Variants in FAM193B observed in about 807,000 individuals in gnomAD.
FAM193B encodes the protein family with sequence similarity 193 member B.
A neutral mutation model predicts 70.7 loss-of-function variants in FAM193B; 27 were observed. The ratio of observed to expected loss-of-function variants is 0.38; its 90% CI spans 0.28 to 0.53. The LOEUF is 0.53. Among genes scored for constraint, FAM193B ranks in the 20% least tolerant of loss-of-function variants. The probability of loss-of-function intolerance (pLI) is 0.81; values close to 1 mark genes in which losing one functional copy is unlikely to be tolerated. For synonymous variants in FAM193B, 448 were observed against 436.0 expected (o/e 1.03, Z -0.34); for missense variants, 1,022 against 1,072.5 (o/e 0.95, Z 0.66).
rs372743350 is a variant in FAM193B, at chr5:177,525,231, C to T, written c.1276-26G>A. ...CTGCCAAGGCAAGAGGCAGTTTTAG[C>T]AGGAGGCTGTCAACTGCCAGGCACA... is the stretch of plus-strand genomic sequence containing the variant. On this transcript the variant is annotated intron_variant, in intron 5 of 8. Transcript: ENST00000514747. The T allele has an allele frequency of 7.7e-6, 11 of 1,435,172 alleles. No individual in the cohort carries two copies. The South Asian group carries it at 9.5e-5, about 12-fold the overall frequency. 88.9% of individuals were successfully genotyped at this position (1,435,172 alleles called of 1,614,324 possible). A position where few individuals can be genotyped will look rare whatever the true frequency, so the allele number is the denominator to read the frequency against.
intron 1 of FAM193B, among the ~76,000 whole-genome samples, chr5:177,545,175 C>T (rs1365853468): frequency 6.6e-6 from 1 of 152,120 alleles, no homozygotes. Context: ...TCCCAAGTGG[C>T]TAGGATTACA....
At chr5:177,553,402 C>G in intron 1 of FAM193B, 3 of 1,036,426 alleles carry the variant, frequency 2.9e-6, no homozygotes, top group Non-Finnish European at 3.5e-6. Flanking sequence ...TCAGAGCAAG[C>G]TTAGGGAGAG....
Position 177,538,757 on chromosome 5 carries a change from G to A in FAM193B, c.453+148C>T. The A allele has an allele frequency of 1.9e-6, 2 of 1,080,856 alleles. No individual in the cohort carries two copies. Among genetic ancestry groups the A allele is most frequent in the African/African-American group, 1.6e-5 (1 of 63,122 alleles). 67.0% of individuals were successfully genotyped at this position (1,080,856 alleles called of 1,614,324 possible). Reference sequence around the variant, plus strand: ...CTTCCCCCAAATCTGAACTTGAGCTGCCAATGCTGTGCCAGTGCAGCCCAG... The same window carrying A: ...CTTCCCCCAAATCTGAACTTGAGCTACCAATGCTGTGCCAGTGCAGCCCAG... On this transcript the variant is annotated intron_variant, in intron 2 of 8. Coordinates refer to ENST00000514747, the MANE Select transcript of FAM193B (RefSeq NM_001190946.3). This position sits in a 1 kb window ranked among gnomAD's most constrained non-coding sequence, Gnocchi z 4.1.
chr5:177,548,084 T>C (rs1765684601), intron 1 of FAM193B, among the ~76,000 whole-genome samples: 1 of 152,234 alleles, frequency 6.6e-6, no homozygotes, highest in Admixed American at 6.5e-5. Context: ...CCATATGCTG[T>C]TCCTTCTGCC....
intron 4 of FAM193B, among the ~76,000 whole-genome samples, chr5:177,533,771 G>C (rs1160963240): frequency 6.6e-6 from 1 of 152,224 alleles, no homozygotes; most frequent in Non-Finnish European, 1.5e-5. Context: ...ATAAACAGGA[G>C]GATAAAGTGA....
Position 177,536,518 on chromosome 5 carries a change from G to A in FAM193B, c.916C>T (p.Pro306Ser). 6.4e-7 allele frequency: 1 copy of A among 1,554,584 alleles called. No homozygotes were observed. The highest frequency in any genetic ancestry group is 2.2e-5 in the Admixed American group (1 of 46,090). ...GAGGGTAGATGGGAGCTCTGACATG[G>A]CCCTGGAGTGTGGGGGGCAGTGGCA... ...AAATAPHTPG[P>S]CQSSHLPSTS... is the part of the protein sequence containing the mutation. Residue 306 changes from proline (P) to serine (S), a missense_variant, in exon 4 of 9, where the codon CCA becomes TCA. By Grantham distance (74) the Pro-to-Ser change is moderately conservative. Transcript: ENST00000514747.
intron 4 of FAM193B, among the ~76,000 whole-genome samples, chr5:177,533,731 G>C (rs977708149): frequency 2.0e-5 from 3 of 152,236 alleles, no homozygotes; most frequent in African/African-American, 7.2e-5. Flanking sequence ...AGGACTCAAG[G>C]ATGCAAACAG....
At chr5:177,527,783 C>T (rs1193176723) in intron 5 of FAM193B, among the ~76,000 whole-genome samples, 3 of 152,328 alleles carry the variant, frequency 2.0e-5, no homozygotes, top group South Asian at 2.1e-4. Context: ...CCCAGGCGGG[C>T]GCCCAGTGCT....
intron 1 of FAM193B, among the ~76,000 whole-genome samples, chr5:177,550,364 T>C (rs1457996247): frequency 6.6e-6 from 1 of 152,196 alleles, no homozygotes; most frequent in East Asian, 1.9e-4. Flanking sequence ...AGGAACTATC[T>C]TATCCATCTG....
At chr5:177,535,880 TAAAAC>T (rs541844343) in intron 4 of FAM193B, among the ~76,000 whole-genome samples, 309 of 151,622 alleles carry the variant, frequency 2.0e-3, no homozygotes, top group Non-Finnish European at 3.5e-3. Context: ...TGTTCCAAGT[TAAAAC>T]AAAACAAAAC....
chr5:177,524,509 T>G lies in FAM193B; in HGVS notation c.1972A>C (p.Ser658Arg). ...CCCTTGGCACTGGGAACCTCTAGGC[T>G]GGCTGGGGGCCGGGGGGCTGGGCTT... ...EASPAPRPPA[S>R]LEVPSAKGQV... Residue 658 changes from serine (S) to arginine (R), a missense_variant, in exon 6 of 9, where the codon AGC becomes CGC. Coordinates refer to ENST00000514747, the MANE Select transcript of FAM193B (RefSeq NM_001190946.3). 6.2e-7 allele frequency: 1 copy of G among 1,612,916 alleles called. No individual in the cohort carries two copies. Among genetic ancestry groups the G allele is most frequent in the South Asian group, 1.1e-5 (1 of 91,044 alleles).
chr5:177,548,578 C>A (rs1312987272), intron 1 of FAM193B, among the ~76,000 whole-genome samples: 1 of 152,156 alleles, frequency 6.6e-6, no homozygotes, highest in Admixed American at 6.5e-5. Context: ...GCTCCCAGAC[C>A]CAGTCACATG....
Position 177,532,247 on chromosome 5 carries a change from G to A in FAM193B, c.1275+196C>T, listed in dbSNP as rs1419996263. ...TAAGAGAAACCATGAGAAGAGCAAAGGTAGCAAAATGTTTAAAAACCCCTA... is the reference window on the plus strand; with the variant it reads ...TAAGAGAAACCATGAGAAGAGCAAAAGTAGCAAAATGTTTAAAAACCCCTA... On this transcript the variant is annotated intron_variant, in intron 5 of 8. Coordinates refer to ENST00000514747, the MANE Select transcript of FAM193B (RefSeq NM_001190946.3). This position sits in a 1 kb window ranked among gnomAD's most constrained non-coding sequence, Gnocchi z 4.9. 12 of 1,492,894 alleles carry A rather than the reference G, an allele frequency of 8.0e-6. No homozygotes were observed. The Admixed American group carries it at 1.2e-4, about 14-fold the overall frequency. 92.5% of individuals were successfully genotyped at this position (1,492,894 alleles called of 1,614,324 possible). A position where few individuals can be genotyped will look rare whatever the true frequency, so the allele number is the denominator to read the frequency against.
At chr5:177,531,628 C>G (rs1763480690) in intron 5 of FAM193B, 2 of 1,003,520 alleles carry the variant, frequency 2.0e-6, no homozygotes, top group South Asian at 3.2e-5. Flanking sequence ...CAACTGTTCT[C>G]TCTACCATTA....
chr5:177,541,563 T>C (rs1424714857), intron 1 of FAM193B, among the ~76,000 whole-genome samples: 2 of 152,140 alleles, frequency 1.3e-5, no homozygotes, highest in Admixed American at 6.5e-5. Flanking sequence ...GGACTACAGG[T>C]GCCCGCCACC....
At position 177,532,511 on chromosome 5, in the gene FAM193B, A is replaced by T; in HGVS notation, c.1207T>A (p.Ser403Thr). The T allele has an allele frequency of 6.2e-7, 1 of 1,611,488 alleles. No individual in the cohort carries two copies. Among genetic ancestry groups the T allele is most frequent in the Non-Finnish European group, 8.5e-7 (1 of 1,179,054 alleles). Residue 403 changes from serine to threonine, a missense_variant, in exon 5 of 9, where the codon TCC (serine) becomes ACC (threonine). Ser to Thr is a moderately conservative substitution (Grantham distance 58). Transcript: ENST00000514747. This position sits in a 1 kb window ranked among gnomAD's most constrained non-coding sequence, Gnocchi z 4.9. ...SSSERSSCTS[S>T]STHQRDGKFC... is the part of the protein sequence containing the mutation. ...TTCCCATCTCTCTGGTGGGTGGAGG[A>T]TGAGGTGCAGGAGCTTCGCTCAGAG...
chr5:177,532,206 GAA>G lies in FAM193B; in HGVS notation c.1275+235_1275+236del, dbSNP rs1763574327. 2.0e-6 allele frequency: 3 copies of G among 1,494,508 alleles called. No individual in the cohort carries two copies. Among genetic ancestry groups the G allele is most frequent in the Non-Finnish European group, 2.7e-6 (3 of 1,126,574 alleles). 92.6% of individuals were successfully genotyped at this position (1,494,508 alleles called of 1,614,324 possible). On this transcript the variant is annotated intron_variant, in intron 5 of 8. Coordinates refer to ENST00000514747, the MANE Select transcript of FAM193B (RefSeq NM_001190946.3). The surrounding 1 kb of genome is among the most constrained non-coding windows in gnomAD (Gnocchi z 4.9). ...GCCATTTCCTTTCCTTTTGCCTAAG[GAA>G]AAAAAGTCAATCTTAAGAGAAACCA...
chr5:177,543,825 C>A (rs979054059), intron 1 of FAM193B, among the ~76,000 whole-genome samples: 8 of 152,254 alleles, frequency 5.3e-5, no homozygotes, highest in African/African-American at 1.9e-4. Flanking sequence ...TTTCAATCAG[C>A]TGCTCCCAAG....
intron 7 of FAM193B, among the ~76,000 whole-genome samples, chr5:177,523,729 GCCT>G (rs1487876670): frequency 3.3e-5 from 5 of 152,252 alleles, no homozygotes; most frequent in Non-Finnish European, 7.3e-5. Flanking sequence ...GGCCTGACAT[GCCT>G]CCTCCTATCT....
Sources: gnomAD v4.1 joint callset for allele counts (sites outside exome capture counted in the v4.1 genomes callset) on GRCh38, gnomAD v4.1.1 for gene constraint, Gnocchi (gnomAD v3.1) non-coding constraint, MANE v1.5 for transcripts, NCBI Gene and HGNC (gene_info 2026-07-23, HGNC 2026-07-21) for gene names.